The following HAP1 variants were observed in gnomAD, a reference collection of about 807,000 sequenced individuals.
The protein encoded by HAP1 is huntingtin associated protein 1.
HAP1 carries 59 observed loss-of-function variants against 60.3 expected under a neutral mutation model. That is an observed-to-expected ratio of 0.98 (90% CI 0.79 to 1.22). The LOEUF is 1.22. HAP1 is among the 50% of genes most tolerant of loss of function. HAP1 has a pLI of 0.00. For missense variants in HAP1, 825 were observed against 785.3 expected (o/e 1.05, Z -0.60); for synonymous variants, 346 against 330.6 (o/e 1.05, Z -0.50).
rs7209337 is a variant in HAP1 at position 41,723,225 on chromosome 17, A to G, written c.*1476T>C. 0.88 allele frequency: 134,468 copies of G among 152,504 alleles called. 59,376 individuals carry two copies. The highest frequency in any genetic ancestry group is 0.94 in the Middle Eastern group (277 of 294). 9.4% of individuals were successfully genotyped at this position (152,504 alleles called of 1,614,324 possible). On this transcript the variant is annotated 3_prime_UTR_variant, in exon 11 of 11. Coordinates refer to ENST00000347901, the MANE Select transcript of HAP1 (RefSeq NM_177977.3). Reference sequence around the variant, plus strand: ...CCCCCTGGGCTGCCATGTGGCCCAGACCTGGCAGCCACAGCTTTTGCACCA... The same window carrying G: ...CCCCCTGGGCTGCCATGTGGCCCAGGCCTGGCAGCCACAGCTTTTGCACCA...
intron 6 of HAP1, among the ~76,000 whole-genome samples, chr17:41,729,917 T>A (rs1597743701): frequency 7.5e-6 from 1 of 133,276 alleles, no homozygotes; most frequent in Admixed American, 8.0e-5. Flanking sequence ...CACACACCAG[T>A]AGTCCCAGCT....
At chr17:41,719,491 G>A (rs1391038262), downstream of HAP1, among the ~76,000 whole-genome samples, 7 of 152,018 alleles carry the variant, frequency 4.6e-5, no homozygotes, top group South Asian at 2.1e-4. Context: ...TCAGGAGTTC[G>A]AGACCAGCCT....
chr17:41,719,862 A>C (rs1453489329), downstream of HAP1, among the ~76,000 whole-genome samples: 2 of 151,808 alleles, frequency 1.3e-5, no homozygotes, highest in African/African-American at 4.8e-5. Flanking sequence ...AAAAATAATA[A>C]AAAATAAAGT....
In HAP1 at chr17:41,734,548, G is replaced by C. The variant is rs1555592267; in HGVS notation, c.87C>G (p.Pro29=). 1 of 1,609,452 alleles carries C rather than the reference G, an allele frequency of 6.2e-7. No individual in the cohort carries two copies. The highest frequency in any genetic ancestry group is 2.2e-5 in the East Asian group (1 of 44,834). Residue 29 remains proline, a synonymous_variant, in exon 1 of 11, where the codon CCC becomes CCG. Coordinates refer to ENST00000347901, the MANE Select transcript of HAP1 (RefSeq NM_177977.3). ...AGGGCTCCGGAGCGGGACTGGCTGA[G>C]GGCGAAGGTGCACAGGTGAGTGCTG... ...DPAALTCAPS[P]SASPAPEPSA... is the part of the protein sequence containing the mutation.
At chr17:41,730,950 G>A (rs552976074) in intron 6 of HAP1, among the ~76,000 whole-genome samples, 10 of 150,384 alleles carry the variant, frequency 6.6e-5, no homozygotes, top group South Asian at 2.1e-4. Context: ...TTGCTCTGTC[G>A]CCCAGGCTGG....
Position 41,733,054 on chromosome 17 carries a change from GT to G in HAP1, c.470-257del, listed in dbSNP as rs71155166. On this transcript the variant is annotated intron_variant, in intron 1 of 10. Coordinates refer to ENST00000347901, the MANE Select transcript of HAP1 (RefSeq NM_177977.3). ...TTTTTTTTGGTTTTTTTTTTTTTTGGTTTTTTTTTTTTTTTAGACAAAGCCT... is the reference window on the plus strand; with the variant it reads ...TTTTTTTTGGTTTTTTTTTTTTTTGGTTTTTTTTTTTTTTAGACAAAGCCT... Among the ~76,000 whole-genome samples, 414 of 99,060 alleles carry G rather than the reference GT, an allele frequency of 4.2e-3. 1 individual carries two copies. Among genetic ancestry groups the G allele is most frequent in the African/African-American group, 0.016 (379 of 24,126 alleles). 65.0% of individuals were successfully genotyped at this position (99,060 alleles called of 152,430 possible).
chr17:41,725,237 C>A, intron 10 of HAP1, 83 bp from the exon 11 acceptor site: 1 of 1,108,092 alleles, frequency 9.0e-7, no homozygotes, highest in Non-Finnish European at 1.3e-6. Flanking sequence ...CACACAGATC[C>A]TGATGGTTCC....
chr17:41,733,038 G>GTTTTT (rs10679002), intron 1 of HAP1, among the ~76,000 whole-genome samples: 4 of 107,214 alleles, frequency 3.7e-5, no homozygotes, highest in Admixed American at 1.2e-4. Context: ...GTTTTTTTTG[G>GTTTTT]TTTTTTTTTT....
At chr17:41,733,054 G>GTT (rs71155166) in intron 1 of HAP1, among the ~76,000 whole-genome samples, 46,569 of 98,976 alleles carry the variant, frequency 0.47, 11,756 homozygotes, top group East Asian at 0.67. Flanking sequence ...TTTTTTTTTG[G>GTT]TTTTTTTTTT....
chr17:41,732,742 C>T lies in HAP1; in HGVS notation c.526G>A (p.Val176Met), dbSNP rs978675981. The T allele has an allele frequency of 1.9e-6, 3 of 1,613,122 alleles. No individual in the cohort carries two copies. Among genetic ancestry groups the T allele is most frequent in the Non-Finnish European group, 1.7e-6 (2 of 1,179,052 alleles). The change falls in exon 2 of 11, where the codon GTG becomes ATG. Residue 176 changes from valine (V) to methionine (M), a missense_variant. Physicochemically the swap from Val to Met is conservative, Grantham distance 21. Coordinates refer to ENST00000347901, the MANE Select transcript of HAP1 (RefSeq NM_177977.3). ...ACCTCCTCCAGCAAATATAACATCA[C>T]TTTGACGTCTTCCTGGGTGATCTTT... ...VKKITQEDVKVMLYLLEELLP... is the reference protein window; with the variant it reads ...VKKITQEDVKMMLYLLEELLP...
At chr17:41,732,145 G>A (rs781986256) in intron 3 of HAP1, 27 bp from the exon 4 acceptor site, 2 of 1,612,734 alleles carry the variant, frequency 1.2e-6, no homozygotes, top group African/African-American at 1.3e-5. Context: ...GGAGCCATGG[G>A]TTGGGAGTGG....
At position 41,734,511 on chromosome 17, in the gene HAP1, G is replaced by A; in HGVS notation, c.124C>T (p.Gln42Ter). The change falls in exon 1 of 11, where the codon CAG becomes TAG. Residue 42 changes from glutamine to a stop codon, truncating the protein, a stop_gained. Coordinates refer to ENST00000347901, the MANE Select transcript of HAP1 (RefSeq NM_177977.3). LOFTEE classifies it high-confidence loss of function. ...ACTCTCTGTCCAGTGCCCCGTGCCT[G>A]CGGCTGCGCAGAGGGCTCCGGAGCG... ...SPAPEPSAQPQARGTGQRVGS... is the reference protein window; with the variant it reads ...SPAPEPSAQP 4 of 1,612,056 alleles carry A rather than the reference G, an allele frequency of 2.5e-6. No individual in the cohort carries two copies.
intron 7 of HAP1, 57 bp downstream of exon 7, chr17:41,728,144 A>T: frequency 6.3e-7 from 1 of 1,592,720 alleles, no homozygotes; most frequent in South Asian, 1.1e-5. Context: ...GGCAGGAAGA[A>T]GGAAGCTAGG....
At chr17:41,728,510 T>A (rs1911869551) in intron 6 of HAP1, among the ~76,000 whole-genome samples, 179 bp from the exon 7 acceptor site, 1 of 152,198 alleles carries the variant, frequency 6.6e-6, no homozygotes, top group Non-Finnish European at 1.5e-5. Flanking sequence ...TGACTGATAC[T>A]GAGCAGGGCA....
Position 41,731,965 on chromosome 17 carries a change from A to G in HAP1, c.868T>C (p.Cys290Arg). ...EEEEAEEDLQCAHPCDAPKLI... is the reference protein window; with the variant it reads ...EEEEAEEDLQRAHPCDAPKLI... ...TTAGGGGCATCACAGGGATGAGCACACTGCAGGTCTTCCTCTGCTTCTTCT... is the reference window on the plus strand; with the variant it reads ...TTAGGGGCATCACAGGGATGAGCACGCTGCAGGTCTTCCTCTGCTTCTTCT... Residue 290 changes from cysteine (C) to arginine (R), a missense_variant, in exon 4 of 11, where the codon TGT (cysteine) becomes CGT (arginine). Cys to Arg is a radical substitution (Grantham distance 180, BLOSUM62 -3). Transcript: ENST00000347901. The G allele has an allele frequency of 5.9e-6, 6 of 1,014,614 alleles. No individual in the cohort carries two copies. The highest frequency in any genetic ancestry group is 9.2e-6 in the Non-Finnish European group (6 of 651,028). 62.9% of individuals were successfully genotyped at this position (1,014,614 alleles called of 1,614,324 possible). A position where few individuals can be genotyped will look rare whatever the true frequency, so the allele number is the denominator to read the frequency against.
In HAP1 at chr17:41,724,835, G is replaced by A; in HGVS notation, c.1726C>T (p.Leu576Phe). 6.2e-7 allele frequency: 1 copy of A among 1,613,502 alleles called. No individual in the cohort carries two copies. The highest frequency in any genetic ancestry group is 1.1e-5 in the South Asian group (1 of 91,084). Residue 576 changes from leucine to phenylalanine, a missense_variant, in exon 11 of 11, where the codon CTC becomes TTC. Transcript: ENST00000347901. ...TCTTGCCAGTTGGCCAGCTGCTGGAGGACATAATTCATGTCCAGGTGTGAA... is the reference window on the plus strand; with the variant it reads ...TCTTGCCAGTTGGCCAGCTGCTGGAAGACATAATTCATGTCCAGGTGTGAA... ...GPSHLDMNYV[L>F]QQLANWQDAH...
rs1555589027 is a variant in HAP1, at chr17:41,727,071, G to A, written c.1349C>T (p.Pro450Leu). The A allele has an allele frequency of 1.3e-5, 20 of 1,565,982 alleles. No individual in the cohort carries two copies. The highest frequency in any genetic ancestry group is 1.7e-5 in the Non-Finnish European group (20 of 1,145,552). ...CACGCACCTCTCCATAAAATACACA[G>A]GGTCTGAGATCATCCTCCTTAGAGA... ...RTSLRRMISDPVYFMERNYEM... is the reference protein window; with the variant it reads ...RTSLRRMISDLVYFMERNYEM... Residue 450 changes from proline (P) to leucine (L), a missense_variant, in exon 9 of 11, where the codon CCT (proline) becomes CTT (leucine). Pro to Leu is a moderately conservative substitution (Grantham distance 98, BLOSUM62 -3). Transcript: ENST00000347901.
chr17:41,718,492 C>G (rs1202005117), downstream of HAP1, among the ~76,000 whole-genome samples: 1 of 152,112 alleles, frequency 6.6e-6, no homozygotes, highest in Admixed American at 6.6e-5. Context: ...AGCTGCAGAA[C>G]AAGGGCTGGG....
rs77669567 is a variant in HAP1 at position 41,728,375 on chromosome 17, T to C, written c.1070-44A>G. On this transcript the variant is annotated intron_variant, in intron 6 of 10. Coordinates refer to ENST00000347901, the MANE Select transcript of HAP1 (RefSeq NM_177977.3). ...AGGTCAGCCCTGGCTCCCCTGGCCT[T>C]CAGGGACCAGCTCTGGCCCTCCCAG... 0.015 allele frequency: 24,262 copies of C among 1,599,482 alleles called. 3,050 individuals carry two copies. In the African/African-American group the frequency reaches 0.28, roughly 19 times the overall value.
Sources: gnomAD v4.1 joint callset for allele counts (sites outside exome capture counted in the v4.1 genomes callset) on GRCh38, gnomAD v4.1.1 for gene constraint, MANE v1.5 for transcripts, NCBI Gene and HGNC (gene_info 2026-07-23, HGNC 2026-07-21) for gene names.